The following DLGAP1 variants were observed in gnomAD, a reference collection of about 807,000 sequenced individuals.
DLGAP1 encodes the protein DLG associated protein 1.
A neutral mutation model predicts 90.8 loss-of-function variants in DLGAP1; 11 were observed. The ratio of observed to expected loss-of-function variants is 0.12; its 90% CI spans 0.08 to 0.20. DLGAP1 has a LOEUF of 0.20. Ranked by LOEUF, DLGAP1 falls within the 10% of genes least tolerant of loss-of-function variation. DLGAP1 has a pLI of 1.00. For synonymous variants in DLGAP1, 558 were observed against 540.7 expected, an observed-to-expected ratio of 1.03 and a Z score of -0.44; for missense variants, 1,050 against 1,333.8, an observed-to-expected ratio of 0.79 and a Z score of 3.31.
At chr18:4,197,050 G>A (rs1417461527) in intron 1 of DLGAP1, among the ~76,000 whole-genome samples, 5 of 151,778 alleles carry the variant, frequency 3.3e-5, no homozygotes, top group Non-Finnish European at 7.4e-5. Flanking sequence ...GTGGGCGCCT[G>A]TAATTCCAGC....
chr18:3,872,013 A>G (rs1005666840), intron 4 of DLGAP1, among the ~76,000 whole-genome samples: 5 of 152,198 alleles, frequency 3.3e-5, no homozygotes, highest in Non-Finnish European at 7.3e-5. Context: ...TCCAGTTGAC[A>G]GAGAACAGTG....
At chr18:3,752,180 G>A (rs1026518711) in intron 5 of DLGAP1, among the ~76,000 whole-genome samples, 4 of 151,968 alleles carry the variant, frequency 2.6e-5, no homozygotes, top group African/African-American at 7.2e-5. Context: ...CACCACGGCC[G>A]GCTCATAAAG....
chr18:4,200,141 T>C (rs1598606571), intron 1 of DLGAP1, among the ~76,000 whole-genome samples: 1 of 152,180 alleles, frequency 6.6e-6, no homozygotes, highest in South Asian at 2.1e-4. Flanking sequence ...TATGTTTGTA[T>C]AATATTTCCT....
chr18:4,014,183 T>G lies in DLGAP1; in HGVS notation c.-158-8982A>C, dbSNP rs913322962. Among the ~76,000 whole-genome samples the G allele has an allele frequency of 4.6e-5, 7 of 151,124 alleles. No homozygotes were observed. In the Admixed American group the frequency reaches 4.6e-4, roughly 10 times the overall value. The stretch of plus-strand genomic sequence containing the variant: ...TCACTGCAACCTCCACCTCCCAGGT[T>G]CAAGTGATACTCCTGCCTCAGCCTC... On this transcript the variant is annotated intron_variant, in intron 2 of 12. Transcript: ENST00000315677.
intron 4 of DLGAP1, among the ~76,000 whole-genome samples, chr18:3,817,245 A>G (rs897151946): frequency 1.3e-5 from 2 of 152,244 alleles, no homozygotes; most frequent in Non-Finnish European, 2.9e-5. Flanking sequence ...CTTATGCAAC[A>G]AAACATGGCA....
At chr18:4,171,893 A>G (rs1267723031) in intron 1 of DLGAP1, among the ~76,000 whole-genome samples, 1 of 152,160 alleles carries the variant, frequency 6.6e-6, no homozygotes. Context: ...AAAAATTACA[A>G]ACTGCGTCTT....
intron 2 of DLGAP1, among the ~76,000 whole-genome samples, chr18:4,045,905 G>C (rs1321776029): frequency 2.6e-5 from 4 of 151,062 alleles, no homozygotes; most frequent in African/African-American, 9.8e-5. Flanking sequence ...CTCCCAAAGT[G>C]CTGGGGTTAT....
At chr18:3,619,742 C>T (rs201329651) in intron 7 of DLGAP1, among the ~76,000 whole-genome samples, 17 of 112,400 alleles carry the variant, frequency 1.5e-4, no homozygotes, top group Middle Eastern at 0.012. Flanking sequence ...TAGTTTTTTC[C>T]TTTTTTTTTT....
At chr18:4,355,584 C>T (rs2081492327) in intron 1 of DLGAP1, among the ~76,000 whole-genome samples, 1 of 152,044 alleles carries the variant, frequency 6.6e-6, no homozygotes, top group Non-Finnish European at 1.5e-5. Flanking sequence ...CTGTCTCACA[C>T]ACACTCACAT....
rs530117935 is a variant in DLGAP1 at position 4,091,489 on chromosome 18, C to A, written c.-159+59691G>T. Among the ~76,000 whole-genome samples, 5 of 152,302 alleles carry A rather than the reference C, an allele frequency of 3.3e-5. No homozygotes were observed. In the East Asian group the frequency reaches 9.6e-4, roughly 29 times the overall value. On this transcript the variant is annotated intron_variant, in intron 2 of 12. Transcript: ENST00000315677. ...CTTATTTTCTCTTTATATTCTGTCT[C>A]ACATTTCAATTATACATATATTCAA... is the stretch of plus-strand genomic sequence containing the variant.
intron 7 of DLGAP1, among the ~76,000 whole-genome samples, chr18:3,630,311 A>G (rs910263610): frequency 2.6e-5 from 4 of 152,122 alleles, no homozygotes; most frequent in African/African-American, 9.7e-5. Context: ...GGCCTGAAAC[A>G]TTGGTCCTCC....
At chr18:3,906,776 G>A (rs2071916309) in intron 3 of DLGAP1, among the ~76,000 whole-genome samples, 1 of 152,140 alleles carries the variant, frequency 6.6e-6, no homozygotes, top group African/African-American at 2.4e-5. Flanking sequence ...TACTTTGCAT[G>A]TCTACATTTA....
At chr18:4,169,685 T>C (rs1053075155) in intron 1 of DLGAP1, among the ~76,000 whole-genome samples, 7 of 152,242 alleles carry the variant, frequency 4.6e-5, no homozygotes, top group African/African-American at 1.7e-4. Context: ...CAAAGTGTTA[T>C]TAGTCAAAAT....
chr18:4,273,775 C>T (rs1355504732), intron 1 of DLGAP1, among the ~76,000 whole-genome samples: 4 of 152,206 alleles, frequency 2.6e-5, no homozygotes, highest in East Asian at 3.8e-4. Flanking sequence ...GGGAGTCCAA[C>T]GTCATCCACT....
At chr18:3,779,324 C>T (rs2065081128) in intron 5 of DLGAP1, among the ~76,000 whole-genome samples, 1 of 152,174 alleles carries the variant, frequency 6.6e-6, no homozygotes, top group South Asian at 2.1e-4. Flanking sequence ...GATCCTCCCA[C>T]CTTGGCCTCC....
At chr18:3,744,162 A>G (rs2063172240) in intron 5 of DLGAP1, among the ~76,000 whole-genome samples, 1 of 152,204 alleles carries the variant, frequency 6.6e-6, no homozygotes, top group African/African-American at 2.4e-5. Flanking sequence ...TAAACATTGT[A>G]AAGAGATAAG....
intron 1 of DLGAP1, among the ~76,000 whole-genome samples, chr18:4,281,669 G>A (rs1485008329): frequency 6.6e-6 from 1 of 152,102 alleles, no homozygotes; most frequent in Admixed American, 6.6e-5. Flanking sequence ...ACCAAGTGAA[G>A]AGAATATAGC....
intron 1 of DLGAP1, among the ~76,000 whole-genome samples, chr18:4,209,759 G>A (rs1241033421): frequency 1.3e-5 from 2 of 152,094 alleles, no homozygotes; most frequent in Non-Finnish European, 2.9e-5. Flanking sequence ...GTACAAATTG[G>A]TGCCAAGATC....
intron 5 of DLGAP1, among the ~76,000 whole-genome samples, chr18:3,778,356 G>A (rs527687269): frequency 1.3e-5 from 2 of 152,050 alleles, no homozygotes. Flanking sequence ...CAGGAGAATC[G>A]CTTGAACCCA....
Sources: gnomAD v4.1 joint callset for allele counts (sites outside exome capture counted in the v4.1 genomes callset) on GRCh38, gnomAD v4.1.1 for gene constraint, MANE v1.5 for transcripts, NCBI Gene and HGNC (gene_info 2026-07-23, HGNC 2026-07-21) for gene names.